The following BRINP3 variants were observed in gnomAD, a reference collection of about 807,000 sequenced individuals.
BRINP3 encodes the protein BMP/retinoic acid-inducible neural-specific protein 3.
A neutral mutation model predicts 71.0 loss-of-function variants in BRINP3; 19 were observed. The ratio of observed to expected loss-of-function variants is 0.27; its 90% CI spans 0.19 to 0.39. BRINP3 has a LOEUF of 0.39. Among genes scored for constraint, BRINP3 ranks in the 10% least tolerant of loss-of-function variants. BRINP3 has a pLI of 1.00. For missense variants in BRINP3, 959 were observed against 940.8 expected (o/e 1.02, Z -0.25); for synonymous variants, 380 against 337.7 (o/e 1.13, Z -1.37).
chr1:190,237,650 T>G (rs1658654262), intron 4 of BRINP3, among the ~76,000 whole-genome samples: 5 of 152,014 alleles, frequency 3.3e-5, no homozygotes, highest in Admixed American at 3.3e-4. Flanking sequence ...TAGGAGTAAT[T>G]GCACTTCAAG....
At chr1:190,254,568 T>C (rs1212823914) in intron 4 of BRINP3, among the ~76,000 whole-genome samples, 1 of 152,204 alleles carries the variant, frequency 6.6e-6, no homozygotes. Flanking sequence ...GATTTGGCTC[T>C]CTGTTTGTCT....
rs139262323 is a variant in BRINP3, at chr1:190,104,560, G to A, written c.1185-5426C>T. ...TCTCTTCAACAATTCATGCACTCAC[G>A]CATAGTATTACACTATATACCTGTG... On this transcript the variant is annotated intron_variant, in intron 7 of 7. Coordinates refer to ENST00000367462, the MANE Select transcript of BRINP3 (RefSeq NM_199051.3). Among the ~76,000 whole-genome samples the A allele has an allele frequency of 7.5e-4, 113 of 151,534 alleles. No homozygotes were observed. The East Asian group carries it at 0.014, about 19-fold the overall frequency.
Position 190,444,410 on chromosome 1 carries a change from C to T in BRINP3, c.236+10245G>A, listed in dbSNP as rs534585826. ...GTCTCTTTCCTCAAATTTCAGAGAA[C>T]TTTTCTTCATACCAATAATCAGTTA... is the stretch of plus-strand genomic sequence containing the variant. On this transcript the variant is annotated intron_variant, in intron 2 of 7. Coordinates refer to ENST00000367462, the MANE Select transcript of BRINP3 (RefSeq NM_199051.3). 2.8e-3 allele frequency among the ~76,000 whole-genome samples: 427 copies of T among 151,814 alleles called. 1 individual carries two copies. The highest frequency in any genetic ancestry group is 3.9e-3 in the Non-Finnish European group (268 of 67,882).
intron 2 of BRINP3, among the ~76,000 whole-genome samples, chr1:190,305,531 T>C (rs900145325): frequency 6.6e-6 from 1 of 151,734 alleles, no homozygotes. Context: ...CACTAATATA[T>C]GGAATCAAAG....
intron 2 of BRINP3, among the ~76,000 whole-genome samples, chr1:190,314,371 G>A (rs965641830): frequency 6.6e-5 from 10 of 152,056 alleles, no homozygotes; most frequent in African/African-American, 1.9e-4. Flanking sequence ...TGGGTTACGG[G>A]ACAAAGGGGA....
At chr1:190,120,901 A>T (rs1653592734) in intron 7 of BRINP3, among the ~76,000 whole-genome samples, 1 of 152,166 alleles carries the variant, frequency 6.6e-6, no homozygotes, top group Non-Finnish European at 1.5e-5. Context: ...AAGCATTCAC[A>T]ATGCCAACAG....
At chr1:190,177,018 C>T (rs552128140) in intron 6 of BRINP3, among the ~76,000 whole-genome samples, 1 of 152,076 alleles carries the variant, frequency 6.6e-6, no homozygotes, top group Non-Finnish European at 1.5e-5. Context: ...GCCTCCCTTG[C>T]AAGTAATTGC....
intron 2 of BRINP3, among the ~76,000 whole-genome samples, chr1:190,360,771 C>T (rs945277932): frequency 1.5e-4 from 23 of 151,844 alleles, no homozygotes; most frequent in African/African-American, 3.4e-4. Context: ...AACAACTAGG[C>T]GGTGTGTTGA....
At chr1:190,461,157 T>A (rs1407838965) in intron 1 of BRINP3, among the ~76,000 whole-genome samples, 1 of 152,212 alleles carries the variant, frequency 6.6e-6, no homozygotes, top group African/African-American at 2.4e-5. Flanking sequence ...TATGAAATTA[T>A]CTTTCCTTGC....
rs188346686 is a variant in BRINP3, at chr1:190,252,786, A to G, written c.618+12079T>C. Among the ~76,000 whole-genome samples, 77 of 151,788 alleles carry G rather than the reference A, an allele frequency of 5.1e-4. No individual in the cohort carries two copies. In the East Asian group the frequency reaches 0.013, roughly 26 times the overall value. ...TTTCAGATGCTAGTTTATTATTATT[A>G]TTATTATTATTATACTTTAACTTCT... On this transcript the variant is annotated intron_variant, in intron 4 of 7. Coordinates refer to ENST00000367462, the MANE Select transcript of BRINP3 (RefSeq NM_199051.3).
intron 2 of BRINP3, among the ~76,000 whole-genome samples, chr1:190,283,739 T>G (rs1558144631): frequency 2.0e-5 from 3 of 151,018 alleles, no homozygotes; most frequent in Admixed American, 1.3e-4. Context: ...TGATGATATA[T>G]CTCAGGATAT....
At chr1:190,362,877 G>A (rs1669238642) in intron 2 of BRINP3, among the ~76,000 whole-genome samples, 1 of 152,134 alleles carries the variant, frequency 6.6e-6, no homozygotes, top group Non-Finnish European at 1.5e-5. Context: ...ATTACCCAGT[G>A]ATGGGTATGT....
At chr1:190,134,308 C>T (rs1557996396) in intron 7 of BRINP3, among the ~76,000 whole-genome samples, 1 of 151,728 alleles carries the variant, frequency 6.6e-6, no homozygotes, top group Non-Finnish European at 1.5e-5. Flanking sequence ...CTCGGCTTGG[C>T]AAGACAGGGA....
intron 7 of BRINP3, among the ~76,000 whole-genome samples, chr1:190,125,363 A>G (rs926855671): frequency 2.0e-5 from 3 of 151,364 alleles, no homozygotes; most frequent in African/African-American, 7.3e-5. Flanking sequence ...TATACATACT[A>G]TTTTTTGAAT....
intron 2 of BRINP3, among the ~76,000 whole-genome samples, chr1:190,452,818 C>CT (rs1675708590): frequency 6.6e-6 from 1 of 152,190 alleles, no homozygotes; most frequent in Non-Finnish European, 1.5e-5. Flanking sequence ...GACCGTGCCA[C>CT]TGCACTCCAG....
intron 5 of BRINP3, among the ~76,000 whole-genome samples, chr1:190,233,807 C>G (rs538804024): frequency 6.6e-6 from 1 of 152,082 alleles, no homozygotes; most frequent in African/African-American, 2.4e-5. Context: ...ATAAAATACT[C>G]TTTATTGAAT....
intron 6 of BRINP3, among the ~76,000 whole-genome samples, chr1:190,221,042 A>G (rs1370131816): frequency 6.6e-6 from 1 of 152,068 alleles, no homozygotes; most frequent in Non-Finnish European, 1.5e-5. Context: ...ACATGGTGAA[A>G]CCCTGTCTCT....
At chr1:190,327,326 C>CAAAAAAAAAAAAAAAAAAAAA (rs1227478693) in intron 2 of BRINP3, among the ~76,000 whole-genome samples, 8 of 44,234 alleles carry the variant, frequency 1.8e-4, no homozygotes, top group East Asian at 1.2e-3. Flanking sequence ...AAAAAAAGAA[C>CAAAAAAAAAAAAAAAAAAAAA]AAAAAAAAAA....
chr1:190,297,423 A>G (rs1458404734), intron 2 of BRINP3, among the ~76,000 whole-genome samples: 1 of 152,122 alleles, frequency 6.6e-6, no homozygotes, highest in African/African-American at 2.4e-5. Context: ...TAAAACTCCT[A>G]AAAGAAAACT....
Sources: allele counts gnomAD v4.1 joint callset (sites outside exome capture counted in the v4.1 genomes callset), GRCh38; gene constraint gnomAD v4.1.1; transcripts MANE v1.5; gene names NCBI Gene and HGNC (gene_info 2026-07-23, HGNC 2026-07-21).